Variants in ALG2 observed in about 807,000 individuals in gnomAD.
ALG2 encodes the protein ALG2 alpha-1,3/1,6-mannosyltransferase.
A neutral mutation model predicts 30.5 loss-of-function variants in ALG2; 32 were observed. The ratio of observed to expected loss-of-function variants is 1.05; its 90% CI spans 0.79 to 1.41. The LOEUF is 1.41. ALG2 is among the 40% of genes most tolerant of loss of function. The pLI is 0.00. For synonymous variants in ALG2, 253 were observed against 224.8 expected (o/e 1.13, Z -1.12); for missense variants, 574 against 526.4 (o/e 1.09, Z -0.88).
In ALG2 at chr9:99,216,876, C is replaced by T. The variant is rs1290057128; in HGVS notation, c.*1058G>A. 2.2e-6 allele frequency: 1 copy of T among 454,072 alleles called. No individual in the cohort carries two copies. The highest frequency in any genetic ancestry group is 4.4e-6 in the Non-Finnish European group (1 of 226,788). The allele number at this position is 454,072 out of a possible 1,614,324, so 28.1% of individuals were successfully genotyped here. On this transcript the variant is annotated 3_prime_UTR_variant, in exon 2 of 2. Transcript: ENST00000476832. The stretch of plus-strand genomic sequence containing the variant: ...GAGTTGATAAATGTGGAGCCTTTGG[C>T]TAGTAAGCTTTGCTACTTCTGGAAA...
At position 99,218,607 on chromosome 9, in the gene ALG2, T is replaced by C. The variant is rs749336918; in HGVS notation, c.578A>G (p.His193Arg). 1 of 1,614,194 alleles carries C rather than the reference T, an allele frequency of 6.2e-7. No homozygotes were observed. The highest frequency in any genetic ancestry group is 8.5e-7 in the Non-Finnish European group (1 of 1,180,026). ...TGGATAGAGGACATCAGGGTCTATGTGAGACAGGGACTTGAATGTTTCCTT... is the reference window on the plus strand; with the variant it reads ...TGGATAGAGGACATCAGGGTCTATGCGAGACAGGGACTTGAATGTTTCCTT... ...VFKETFKSLS[H>R]IDPDVLYPSL... The change falls in exon 2 of 2, where the codon CAC (histidine) becomes CGC (arginine). Residue 193 changes from histidine (H) to arginine (R), a missense_variant. Coordinates refer to ENST00000476832, the MANE Select transcript of ALG2 (RefSeq NM_033087.4).
At position 99,217,907 on chromosome 9, in the gene ALG2, T is replaced by C. The variant is rs1828721194; in HGVS notation, c.*27A>G. The C allele has an allele frequency of 6.2e-7, 1 of 1,611,534 alleles. No individual in the cohort carries two copies. The highest frequency in any genetic ancestry group is 8.5e-7 in the Non-Finnish European group (1 of 1,177,658). On this transcript the variant is annotated 3_prime_UTR_variant, in exon 2 of 2. Transcript: ENST00000476832. ...GGGTCTACAATCCATAAAAATGACA[T>C]TAATGGAGATCTTAAAAACAATCTG...
chr9:99,219,308 A>C (rs1426307216), intron 1 of ALG2, among the ~76,000 whole-genome samples: 1 of 152,238 alleles, frequency 6.6e-6, no homozygotes, highest in East Asian at 1.9e-4. Flanking sequence ...CTCAACAGCC[A>C]CATGTGGCTA....
Position 99,218,862 on chromosome 9 carries a change from GA to G in ALG2, c.349-27del, listed in dbSNP as rs565523590. On this transcript the variant is annotated intron_variant, in intron 1 of 1. Coordinates refer to ENST00000476832, the MANE Select transcript of ALG2 (RefSeq NM_033087.4). Reference sequence around the variant, plus strand: ...CTAGCCAAAGCAAAAATCAACAGCGGATAAAGTGGTCAACTCAACTTCAACC... The same window carrying G: ...CTAGCCAAAGCAAAAATCAACAGCGGTAAAGTGGTCAACTCAACTTCAACC... 4.0e-3 allele frequency: 6,473 copies of G among 1,599,874 alleles called. 16 individuals carry two copies. Among genetic ancestry groups the G allele is most frequent in the Middle Eastern group, 8.7e-3 (52 of 5,984 alleles).
intron 1 of ALG2, chr9:99,220,991 C>T (rs1232011547): frequency 7.4e-7 from 1 of 1,352,296 alleles, no homozygotes; most frequent in East Asian, 4.5e-5. Context: ...AGGTAAAAAG[C>T]TTGAACTTTT....
At chr9:99,221,228 T>C in intron 1 of ALG2, 2 of 1,250,764 alleles carry the variant, frequency 1.6e-6, no homozygotes, top group South Asian at 3.0e-5. Flanking sequence ...TGACTTCTAA[T>C]ACCAGCGTTT....
At chr9:99,220,031 C>A (rs1195155477) in intron 1 of ALG2, among the ~76,000 whole-genome samples, 1 of 152,198 alleles carries the variant, frequency 6.6e-6, no homozygotes, top group Non-Finnish European at 1.5e-5. Flanking sequence ...TGGTTAATAT[C>A]CAAGGCGGAC....
chr9:99,221,679 C>T lies in ALG2; in HGVS notation c.216G>A (p.Gly72=). 1.3e-6 allele frequency: 2 copies of T among 1,565,558 alleles called. No homozygotes were observed. The highest frequency in any genetic ancestry group is 1.7e-6 in the Non-Finnish European group (2 of 1,160,932). ...AGCCCAGGCCTCGCGGCAGCCAGTC[C>T]CCGGCACAGCGCACCGGTAGCTCGC... ...ESRELPVRCA[G]DWLPRGLGWG... The change falls in exon 1 of 2, where the codon GGG becomes GGA. Residue 72 remains glycine (G), a synonymous_variant. Coordinates refer to ENST00000476832, the MANE Select transcript of ALG2 (RefSeq NM_033087.4).
rs1218513098 is a variant in ALG2 at position 99,216,890 on chromosome 9, T to C, written c.*1044A>G. ...GGAGCCTTTGGCTAGTAAGCTTTGC[T>C]ACTTCTGGAAATGAATTTAGCCTTA... On this transcript the variant is annotated 3_prime_UTR_variant, in exon 2 of 2. Transcript: ENST00000476832. 2.2e-6 allele frequency: 1 copy of C among 454,020 alleles called. No individual in the cohort carries two copies. The highest frequency in any genetic ancestry group is 1.6e-5 in the South Asian group (1 of 64,480). 28.1% of individuals were successfully genotyped at this position (454,020 alleles called of 1,614,324 possible). A position where few individuals can be genotyped will look rare whatever the true frequency, so the allele number is the denominator to read the frequency against.
Position 99,221,927 on chromosome 9 carries a change from G to A in ALG2, c.-33C>T, listed in dbSNP as rs201103031. ...GAGCCGCAACTGCACCCCGCACCCT[G>A]ATGGGGGTCTTCTGCGCAAGCTCCG... On this transcript the variant is annotated 5_prime_UTR_variant, in exon 1 of 2. Transcript: ENST00000476832. 1.3e-6 allele frequency: 2 copies of A among 1,553,442 alleles called. No homozygotes were observed. The highest frequency in any genetic ancestry group is 8.7e-7 in the Non-Finnish European group (1 of 1,154,472).
At chr9:99,221,004 C>A in intron 1 of ALG2, 1 of 1,352,602 alleles carries the variant, frequency 7.4e-7, no homozygotes, top group Non-Finnish European at 9.8e-7. Context: ...GAACTTTTCT[C>A]CAAAAACCAA....
In ALG2 at chr9:99,217,996, T is replaced by C. The variant is rs779057787; in HGVS notation, c.1189A>G (p.Lys397Glu). 3.7e-6 allele frequency: 6 copies of C among 1,614,140 alleles called. No homozygotes were observed. In the African/African-American group the frequency reaches 4.0e-5, roughly 11 times the overall value. ...GLAGRARVKEKFSPEAFTEQL... is the reference protein window; with the variant it reads ...GLAGRARVKEEFSPEAFTEQL... ...TCTGTAAATGCTTCAGGGGAAAATTTTTCCTTCACTCTGGCTCTTCCAGCC... is the reference window on the plus strand; with the variant it reads ...TCTGTAAATGCTTCAGGGGAAAATTCTTCCTTCACTCTGGCTCTTCCAGCC... Residue 397 changes from lysine (K) to glutamate (E), a missense_variant, in exon 2 of 2, where the codon AAA (lysine) becomes GAA (glutamate). By Grantham distance (56) the Lys-to-Glu change is moderately conservative (BLOSUM62 1). Coordinates refer to ENST00000476832, the MANE Select transcript of ALG2 (RefSeq NM_033087.4).
At position 99,216,977 on chromosome 9, in the gene ALG2, ATAAG is replaced by A. The variant is rs1564215336; in HGVS notation, c.*953_*956del. 2.2e-6 allele frequency: 1 copy of A among 454,158 alleles called. No homozygotes were observed. The highest frequency in any genetic ancestry group is 4.4e-6 in the Non-Finnish European group (1 of 226,800). The allele number at this position is 454,158 out of a possible 1,614,324, so 28.1% of individuals were successfully genotyped here. On this transcript the variant is annotated 3_prime_UTR_variant, in exon 2 of 2. Coordinates refer to ENST00000476832, the MANE Select transcript of ALG2 (RefSeq NM_033087.4). ...TAGACCAACAGGTAAACAGTGAACT[ATAAG>A]TCAGTGTCACGAAAATATCAGTGTC...
rs750195562 is a variant in ALG2 at position 99,221,769 on chromosome 9, C to T, written c.126G>A (p.Ala42=). The T allele has an allele frequency of 4.4e-6, 7 of 1,598,508 alleles. No homozygotes were observed. The highest frequency in any genetic ancestry group is 4.2e-6 in the Non-Finnish European group (5 of 1,179,528). ...TCCAGATCTTCACGCTACACCCGCG[C>T]GCCTGCAGCGCCAGCGCCGCGTCCA... ...LVLDAALALQ[A]RGCSVKIWTA... Residue 42 remains alanine, a synonymous_variant, in exon 1 of 2, where the codon GCG becomes GCA. Transcript: ENST00000476832.
rs1164655202 is a variant in ALG2 at position 99,221,915 on chromosome 9, A to T, written c.-21T>A. 6.4e-7 allele frequency: 1 copy of T among 1,570,252 alleles called. No homozygotes were observed. Among genetic ancestry groups the T allele is most frequent in the Admixed American group, 1.7e-5 (1 of 57,394 alleles). ...GCCATGGCCCTGGAGCCGCAACTGC[A>T]CCCCGCACCCTGATGGGGGTCTTCT... On this transcript the variant is annotated 5_prime_UTR_variant, in exon 1 of 2. Transcript: ENST00000476832.
chr9:99,217,661 AAATAT>A lies in ALG2; in HGVS notation c.*268_*272del, dbSNP rs1264695538. The stretch of plus-strand genomic sequence containing the variant: ...AGACAGAAGAGCAATAATCCCGAGA[AAATAT>A]AATTAAAATACTCTGCTGAACATGG... On this transcript the variant is annotated 3_prime_UTR_variant, in exon 2 of 2. Coordinates refer to ENST00000476832, the MANE Select transcript of ALG2 (RefSeq NM_033087.4). The A allele has an allele frequency of 1.1e-5, 6 of 560,254 alleles. No homozygotes were observed. The highest frequency in any genetic ancestry group is 9.3e-5 in the African/African-American group (5 of 53,816). The allele number at this position is 560,254 out of a possible 1,614,324, so 34.7% of individuals were successfully genotyped here. A position where few individuals can be genotyped will look rare whatever the true frequency, so the allele number is the denominator to read the frequency against.
chr9:99,221,869 C>T lies in ALG2; in HGVS notation c.26G>A (p.Arg9Gln). The T allele has an allele frequency of 6.3e-7, 1 of 1,590,648 alleles. No homozygotes were observed. Among genetic ancestry groups the T allele is most frequent in the Non-Finnish European group, 8.5e-7 (1 of 1,175,824 alleles). MAEEQGRE[R>Q]DSVPKPSVLF... ...CACCGACGGCTTGGGAACCGAGTCC[C>T]GTTCCCGGCCCTGCTCCTCCGCCAT... The change falls in exon 1 of 2, where the codon CGG becomes CAG. Residue 9 changes from arginine (R) to glutamine (Q), a missense_variant. Coordinates refer to ENST00000476832, the MANE Select transcript of ALG2 (RefSeq NM_033087.4).
chr9:99,218,028 A>G lies in ALG2; in HGVS notation c.1157T>C (p.Met386Thr), dbSNP rs1402777178. Residue 386 changes from methionine to threonine, a missense_variant, in exon 2 of 2, where the codon ATG (methionine) becomes ACG (threonine). Met to Thr is a moderately conservative substitution (Grantham distance 81). Transcript: ENST00000476832. ...FIREPSLKAT[M>T]GLAGRARVKE... ...CACTCTGGCTCTTCCAGCCAGGCCC[A>G]TGGTGGCTTTTAAGGAAGGTTCACG... 1 of 1,614,232 alleles carries G rather than the reference A, an allele frequency of 6.2e-7. No homozygotes were observed. The highest frequency in any genetic ancestry group is 8.5e-7 in the Non-Finnish European group (1 of 1,180,040).
rs1394730370 is a variant in ALG2 at position 99,221,934 on chromosome 9, G to A, written c.-40C>T. 2 of 1,537,756 alleles carry A rather than the reference G, an allele frequency of 1.3e-6. No homozygotes were observed. Among genetic ancestry groups the A allele is most frequent in the Non-Finnish European group, 1.7e-6 (2 of 1,145,326 alleles). On this transcript the variant is annotated 5_prime_UTR_variant, in exon 1 of 2. Coordinates refer to ENST00000476832, the MANE Select transcript of ALG2 (RefSeq NM_033087.4). ...AACTGCACCCCGCACCCTGATGGGG[G>A]TCTTCTGCGCAAGCTCCGCGCTCGT...
Sources: allele counts gnomAD v4.1 joint callset (sites outside exome capture counted in the v4.1 genomes callset), GRCh38; gene constraint gnomAD v4.1.1; transcripts MANE v1.5; gene names NCBI Gene and HGNC (gene_info 2026-07-23, HGNC 2026-07-21).